NDUFB6: variants seen among roughly 807,000 people sequenced by gnomAD.
NDUFB6 encodes the protein NADH:ubiquinone oxidoreductase subunit B6.
Under a neutral mutation model 17.5 loss-of-function variants are expected in NDUFB6, and 23 were observed. That is an observed-to-expected ratio of 1.31 (90% confidence interval 0.94 to 1.86). The LOEUF (loss-of-function observed/expected upper bound fraction) is 1.86, where lower values mean the gene tolerates loss of function less well. NDUFB6 is among the 40% of genes most tolerant of loss of function. The probability of loss-of-function intolerance (pLI) is 0.00; values close to 1 mark genes in which losing one functional copy is unlikely to be tolerated. For synonymous variants in NDUFB6, 60 were observed against 53.5 expected (o/e 1.12, Z -0.53); for missense variants, 167 against 153.8 (o/e 1.09, Z -0.46).
At chr9:32,572,389 G>C (rs1283038506) in intron 1 of NDUFB6, among the ~76,000 whole-genome samples, 1 of 152,136 alleles carries the variant, frequency 6.6e-6, no homozygotes, top group East Asian at 1.9e-4. Context: ...TGACTCACAA[G>C]GCATACCAAC....
At position 32,571,068 on chromosome 9, in the gene NDUFB6, C is replaced by T. The variant is rs765844487; in HGVS notation, c.181-16G>A. The stretch of plus-strand genomic sequence containing the variant: ...CCCCATGGACCTGGGGGGAAAAACA[C>T]ATACACAAAATAAACATATCCCATT... On this transcript the variant is annotated splice_polypyrimidine_tract_variant and intron_variant, in intron 1 of 3. Transcript: ENST00000379847. 5 of 1,530,190 alleles carry T rather than the reference C, an allele frequency of 3.3e-6. No individual in the cohort carries two copies. Among genetic ancestry groups the T allele is most frequent in the African/African-American group, 1.4e-5 (1 of 72,340 alleles). The allele number at this position is 1,530,190 out of a possible 1,614,324, so 94.8% of individuals were successfully genotyped here. A position where few individuals can be genotyped will look rare whatever the true frequency, so the allele number is the denominator to read the frequency against.
At chr9:32,555,791 A>C (rs1198151911) in intron 3 of NDUFB6, among the ~76,000 whole-genome samples, 1 of 152,254 alleles carries the variant, frequency 6.6e-6, no homozygotes, top group East Asian at 1.9e-4. Flanking sequence ...TGAAAAGAAC[A>C]AACCCCCTGG....
At chr9:32,559,097 T>A (rs1199352889) in intron 2 of NDUFB6, 143 bp from the exon 3 acceptor site, 20 of 521,140 alleles carry the variant, frequency 3.8e-5, no homozygotes, top group Non-Finnish European at 5.9e-5. Flanking sequence ...TTACTCAACA[T>A]CTCTACTTAG....
chr9:32,558,884 G>A (rs763350754), intron 3 of NDUFB6, 26 bp downstream of exon 3: 2 of 1,457,332 alleles, frequency 1.4e-6, no homozygotes, highest in South Asian at 2.6e-5. Flanking sequence ...ATAAACAAAA[G>A]AAAAATCAGA....
chr9:32,562,257 T>C (rs1821647253), intron 2 of NDUFB6, among the ~76,000 whole-genome samples: 1 of 152,250 alleles, frequency 6.6e-6, no homozygotes, highest in Admixed American at 6.5e-5. Flanking sequence ...GAATTTGGTC[T>C]TGTATATTCT....
intron 3 of NDUFB6, among the ~76,000 whole-genome samples, chr9:32,555,538 C>A (rs7855693): frequency 0.58 from 88,588 of 152,136 alleles, 26,221 homozygotes; most frequent in Middle Eastern, 0.69. Flanking sequence ...TGGCATGAGA[C>A]ACTGACTAGA....
Position 32,553,789 on chromosome 9 carries a change from TA to T in NDUFB6, c.*86del. The T allele has an allele frequency of 1.1e-6, 1 of 885,152 alleles. No individual in the cohort carries two copies. Among genetic ancestry groups the T allele is most frequent in the Non-Finnish European group, 1.8e-6 (1 of 545,254 alleles). The allele number at this position is 885,152 out of a possible 1,614,324, so 54.8% of individuals were successfully genotyped here. A position where few individuals can be genotyped will look rare whatever the true frequency, so the allele number is the denominator to read the frequency against. On this transcript the variant is annotated 3_prime_UTR_variant, in exon 4 of 4. Transcript: ENST00000379847. The stretch of plus-strand genomic sequence containing the variant: ...GACAATTTCTGAGATTAAACTTTAT[TA>T]AAGTTACTTTTCCAGAAAATTCAGT...
chr9:32,566,946 G>T, intron 2 of NDUFB6: 1 of 527,442 alleles, frequency 1.9e-6, no homozygotes, highest in Non-Finnish European at 3.6e-6. Context: ...GGCGTGAGGT[G>T]AGCAGCACCA....
At chr9:32,571,192 G>T in intron 1 of NDUFB6, 140 bp from the exon 2 acceptor site, 1 of 612,500 alleles carries the variant, frequency 1.6e-6, no homozygotes, top group Non-Finnish European at 2.8e-6. Context: ...TAGTCTGTAG[G>T]TAACCTCATC....
intron 3 of NDUFB6, among the ~76,000 whole-genome samples, chr9:32,557,240 C>A (rs1821488649): frequency 6.7e-6 from 1 of 150,254 alleles, no homozygotes; most frequent in African/African-American, 2.5e-5. Flanking sequence ...ACTCCGCACA[C>A]TGCAACTTCT....
At chr9:32,566,319 C>A (rs1821788084) in intron 2 of NDUFB6, 2 of 1,180,214 alleles carry the variant, frequency 1.7e-6, no homozygotes, top group African/African-American at 1.5e-5. Context: ...CACTTCTCTT[C>A]CATCTTGTTC....
At chr9:32,571,839 AG>A (rs1821947214) in intron 1 of NDUFB6, among the ~76,000 whole-genome samples, 1 of 152,234 alleles carries the variant, frequency 6.6e-6, no homozygotes, top group African/African-American at 2.4e-5. Context: ...AGGGATACAA[AG>A]GGTGGGAGAA....
At chr9:32,568,748 A>ATATATATTT (rs1213123923) in intron 2 of NDUFB6, 4 of 114,364 alleles carry the variant, frequency 3.5e-5, no homozygotes, top group African/African-American at 1.2e-4. Context: ...ATATATATAT[A>ATATATATTT]TTTTTTTTTT....
At chr9:32,558,556 TG>T (rs1193892275) in intron 3 of NDUFB6, among the ~76,000 whole-genome samples, 2 of 152,228 alleles carry the variant, frequency 1.3e-5, no homozygotes, top group African/African-American at 4.8e-5. Context: ...TCACCATGCA[TG>T]GATGTTTGCT....
intron 2 of NDUFB6, chr9:32,567,242 G>T: frequency 6.3e-6 from 3 of 473,578 alleles, no homozygotes; most frequent in Non-Finnish European, 1.3e-5. Flanking sequence ...CTGCAAAACT[G>T]GCATGGGCCG....
At chr9:32,570,232 T>G (rs1266149292) in intron 2 of NDUFB6, among the ~76,000 whole-genome samples, 1 of 152,100 alleles carries the variant, frequency 6.6e-6, no homozygotes, top group Non-Finnish European at 1.5e-5. Context: ...CCACTGTTGC[T>G]CCCCAAACAG....
chr9:32,557,099 C>G (rs1026957249), intron 3 of NDUFB6, among the ~76,000 whole-genome samples: 7 of 150,432 alleles, frequency 4.7e-5, no homozygotes, highest in Admixed American at 2.0e-4. Context: ...CTCAGGTGAT[C>G]CACCTGCCTC....
chr9:32,558,037 CAACT>C (rs1349756382), intron 3 of NDUFB6, among the ~76,000 whole-genome samples: 2 of 152,112 alleles, frequency 1.3e-5, no homozygotes, highest in Non-Finnish European at 1.5e-5. Flanking sequence ...TAGTAAATAC[CAACT>C]GACTACTGAG....
rs1047420592 is a variant in NDUFB6, at chr9:32,572,995, C to T, written c.66G>A (p.Trp22Ter). 6 of 1,610,770 alleles carry T rather than the reference C, an allele frequency of 3.7e-6. No individual in the cohort carries two copies. The highest frequency in any genetic ancestry group is 5.1e-6 in the Non-Finnish European group (6 of 1,178,206). Residue 22 changes from tryptophan (W) to a stop codon, truncating the protein, a stop_gained, in exon 1 of 4, where the codon TGG (tryptophan) becomes TGA (stop). Transcript: ENST00000379847. LOFTEE classifies it high-confidence loss of function. ...LQQLRELRRR[W>*]LKDQELSPRE... is the part of the protein sequence containing the mutation. ...GAGGGCTCAGCTCCTGGTCCTTCAGCCATCGCCTTCTCAGCTCTCGCAGCT... is the reference window on the plus strand; with the variant it reads ...GAGGGCTCAGCTCCTGGTCCTTCAGTCATCGCCTTCTCAGCTCTCGCAGCT...
Sources: gnomAD v4.1 joint callset for allele counts (sites outside exome capture counted in the v4.1 genomes callset) on GRCh38, gnomAD v4.1.1 for gene constraint, MANE v1.5 for transcripts, NCBI Gene and HGNC (gene_info 2026-07-23, HGNC 2026-07-21) for gene names.